ABCC1: variants seen among roughly 807,000 people sequenced by gnomAD.
The protein encoded by ABCC1 is multidrug resistance-associated protein 1.
In ABCC1, 83 loss-of-function variants were observed where a neutral mutation model predicts 172.9. The observed-to-expected ratio is 0.48, with a 90% CI of 0.40 to 0.58. ABCC1 has a LOEUF of 0.58. Ranked by LOEUF, ABCC1 falls within the 20% of genes least tolerant of loss-of-function variation. The pLI is 0.00. For missense variants in ABCC1, 1,817 were observed against 2,002.7 expected, an observed-to-expected ratio of 0.91 and a Z score of 1.77; for synonymous variants, 937 against 825.2, an observed-to-expected ratio of 1.14 and a Z score of -2.32.
chr16:16,092,503 G>A (rs1198338593), intron 19 of ABCC1, among the ~76,000 whole-genome samples: 8 of 152,140 alleles, frequency 5.3e-5, no homozygotes, highest in Admixed American at 3.3e-4. Context: ...TGTGACTGGC[G>A]GCTTTTACAC....
intron 30 of ABCC1, among the ~76,000 whole-genome samples, chr16:16,139,294 C>G (rs1422927354): frequency 6.8e-6 from 1 of 147,626 alleles, no homozygotes; most frequent in African/African-American, 2.5e-5. Context: ...GTGGGGCCCA[C>G]AAAAAGGTTT....
chr16:16,136,439 C>T (rs759994015), intron 28 of ABCC1, 39 bp from the exon 29 acceptor site: 1 of 1,607,294 alleles, frequency 6.2e-7, no homozygotes, highest in Non-Finnish European at 8.5e-7. Context: ...CAGCGTGACA[C>T]AGGTGTCACA....
chr16:15,966,376 C>T (rs1339003724), intron 1 of ABCC1, among the ~76,000 whole-genome samples: 2 of 149,494 alleles, frequency 1.3e-5, no homozygotes, highest in Admixed American at 1.3e-4. Flanking sequence ...TGTGCCACTG[C>T]ACTCCAGCCT....
intron 1 of ABCC1, among the ~76,000 whole-genome samples, chr16:15,971,487 A>G (rs2046368763): frequency 6.6e-6 from 1 of 152,180 alleles, no homozygotes; most frequent in Non-Finnish European, 1.5e-5. Context: ...TAAAAACCAA[A>G]CATTTCCCAA....
chr16:16,081,209 T>G (rs2050793590), intron 16 of ABCC1, among the ~76,000 whole-genome samples: 1 of 152,214 alleles, frequency 6.6e-6, no homozygotes, highest in Admixed American at 6.5e-5. Flanking sequence ...AAACCCTTTC[T>G]TTGATTATAC....
At chr16:16,074,464 G>A (rs557618365) in intron 14 of ABCC1, among the ~76,000 whole-genome samples, 6 of 152,274 alleles carry the variant, frequency 3.9e-5, no homozygotes, top group Middle Eastern at 3.4e-3. Context: ...GCCGGCGGTG[G>A]GTGGGGGGTG....
chr16:16,090,454 T>G lies in ABCC1; in HGVS notation c.2510T>G (p.Val837Gly). The change falls in exon 19 of 31, where the codon GTC (valine) becomes GGC (glycine). Residue 837 changes from valine to glycine, a missense_variant. Physicochemically the swap from Val to Gly is moderately radical, Grantham distance 109. Around this residue, in one of 3 missense-constraint regions of ABCC1, gnomAD observed 1,412 missense variants for 1,600.3 expected, o/e 0.88. Transcript: ENST00000399410. Reference sequence around the variant, plus strand: ...ATGAGCTACTTGCCGCAGGTGGACGTCATCATCGTCATGAGTGGCGGCAAG... The same window carrying G: ...ATGAGCTACTTGCCGCAGGTGGACGGCATCATCGTCATGAGTGGCGGCAAG... ...HSMSYLPQVD[V>G]IIVMSGGKIS... 6.2e-7 allele frequency: 1 copy of G among 1,613,666 alleles called. No individual in the cohort carries two copies. The highest frequency in any genetic ancestry group is 1.1e-5 in the South Asian group (1 of 91,040).
intron 23 of ABCC1, among the ~76,000 whole-genome samples, chr16:16,119,267 C>G (rs562385102): frequency 6.6e-6 from 1 of 152,224 alleles, no homozygotes; most frequent in South Asian, 2.1e-4. Flanking sequence ...ATGGGAAAAC[C>G]TGGTCTCTAC....
chr16:16,058,145 G>A (rs1021791880), intron 12 of ABCC1, among the ~76,000 whole-genome samples: 2 of 152,122 alleles, frequency 1.3e-5, no homozygotes, highest in African/African-American at 4.8e-5. Context: ...AAAGTTTAAA[G>A]ACAACAGTGC....
At chr16:16,022,536 T>C (rs557446168) in intron 5 of ABCC1, among the ~76,000 whole-genome samples, 41 of 152,240 alleles carry the variant, frequency 2.7e-4, no homozygotes, top group African/African-American at 7.9e-4. Context: ...CCAGTTGGAA[T>C]GCTCGACATC....
At chr16:15,997,776 G>A (rs371088453) in intron 1 of ABCC1, among the ~76,000 whole-genome samples, 6 of 150,996 alleles carry the variant, frequency 4.0e-5, no homozygotes, top group East Asian at 1.9e-4. Flanking sequence ...GGTCCCTGCC[G>A]GTAAGGAACA....
At chr16:16,082,162 T>A (rs1194159941) in intron 16 of ABCC1, among the ~76,000 whole-genome samples, 1 of 152,240 alleles carries the variant, frequency 6.6e-6, no homozygotes, top group African/African-American at 2.4e-5. Flanking sequence ...CTGGCCTTTC[T>A]GTTCCTTGAA....
At chr16:15,952,408 C>T (rs758151822) in intron 1 of ABCC1, among the ~76,000 whole-genome samples, 7 of 151,952 alleles carry the variant, frequency 4.6e-5, no homozygotes, top group Non-Finnish European at 7.4e-5. Context: ...GTCAGTGGGC[C>T]TCGGGTGACT....
chr16:16,054,219 C>T (rs997588059), intron 11 of ABCC1, among the ~76,000 whole-genome samples: 2 of 152,114 alleles, frequency 1.3e-5, no homozygotes, highest in African/African-American at 4.8e-5. Context: ...AGATGATCCA[C>T]CCGCCTCGGC....
Position 16,136,654 on chromosome 16 carries a change from G to A in ABCC1, c.4292+10G>A. On this transcript the variant is annotated intron_variant, in intron 29 of 30. Coordinates refer to ENST00000399410, the MANE Select transcript of ABCC1 (RefSeq NM_004996.4). ...GCGGGGAGAACCTCAGGTAGGCGGG[G>A]GTGAACAAGGAGACACCGGGTAAGG... is the stretch of plus-strand genomic sequence containing the variant. The A allele has an allele frequency of 6.2e-7, 1 of 1,613,636 alleles. No individual in the cohort carries two copies. The highest frequency in any genetic ancestry group is 1.3e-5 in the African/African-American group (1 of 74,990).
chr16:15,997,048 C>T (rs1200082888), intron 1 of ABCC1, among the ~76,000 whole-genome samples: 1 of 151,580 alleles, frequency 6.6e-6, no homozygotes, highest in Non-Finnish European at 1.5e-5. Flanking sequence ...CAAGGAGAAG[C>T]CTCTGTTGGA....
intron 5 of ABCC1, among the ~76,000 whole-genome samples, chr16:16,032,484 C>A (rs1479685901): frequency 6.6e-6 from 1 of 152,116 alleles, no homozygotes; most frequent in Non-Finnish European, 1.5e-5. Flanking sequence ...GATTTGTATG[C>A]AGGGTGCTTG....
intron 1 of ABCC1, among the ~76,000 whole-genome samples, chr16:15,970,052 G>A (rs1405729071): frequency 2.0e-5 from 3 of 152,004 alleles, no homozygotes; most frequent in African/African-American, 7.2e-5. Flanking sequence ...TGGTTGGAGA[G>A]AAAAAAGGAG....
At chr16:16,104,315 CGATTGGTCTGTTTTTACAGAGTGTT>C (rs1451656237) in intron 20 of ABCC1, among the ~76,000 whole-genome samples, 2 of 152,058 alleles carry the variant, frequency 1.3e-5, no homozygotes, top group African/African-American at 4.8e-5. Context: ...TACAGAGAGC[CGATTGGTCTGTTTTTACAGAGTGTT>C]GATTGGTCCG....
Sources: gnomAD v4.1 joint callset for allele counts (sites outside exome capture counted in the v4.1 genomes callset) on GRCh38, gnomAD v4.1.1 for gene constraint, gnomAD v4.1.1 regional missense constraint, MANE v1.5 for transcripts, NCBI Gene and HGNC (gene_info 2026-07-23, HGNC 2026-07-21) for gene names.